NDRG1: variants seen among roughly 807,000 people sequenced by gnomAD.
NDRG1 encodes the protein protein NDRG1.
A neutral mutation model predicts 56.9 loss-of-function variants in NDRG1; 32 were observed. The ratio of observed to expected loss-of-function variants is 0.56; its 90% CI spans 0.42 to 0.76. The LOEUF is 0.76. Among genes scored for constraint, NDRG1 ranks in the 30% least tolerant of loss-of-function variants. The pLI is 0.00. For synonymous variants in NDRG1, 211 were observed against 204.1 expected (o/e 1.03, Z -0.29); for missense variants, 507 against 545.7 (o/e 0.93, Z 0.71).
intron 3 of NDRG1, among the ~76,000 whole-genome samples, chr8:133,272,398 T>C (rs1342285336): frequency 6.6e-6 from 1 of 152,126 alleles, no homozygotes; most frequent in Admixed American, 6.5e-5. Flanking sequence ...GTGTTTGCAA[T>C]GTGCTCAGGG....
intron 3 of NDRG1, among the ~76,000 whole-genome samples, chr8:133,267,772 C>T (rs966639652): frequency 2.6e-5 from 4 of 152,218 alleles, no homozygotes; most frequent in Non-Finnish European, 5.9e-5. Flanking sequence ...CACTCCCCAA[C>T]CTCCGAGCCT....
At position 133,262,163 on chromosome 8, in the gene NDRG1, T is replaced by C; in HGVS notation, c.210A>G (p.Lys70=). ...LTYHDIGMNH[K]TCYNPLFNYE... ...AGTTGAAGAGGGGGTTGTAGCAGGT[T>C]TTGTCTGAAGAACAGCAGTGAGGGA... The change falls in exon 5 of 16, where the codon AAA becomes AAG. Residue 70 remains lysine, a synonymous_variant. Coordinates refer to ENST00000323851, the MANE Select transcript of NDRG1 (RefSeq NM_006096.4). The C allele has an allele frequency of 6.2e-7, 1 of 1,613,464 alleles. No homozygotes were observed. The highest frequency in any genetic ancestry group is 8.5e-7 in the Non-Finnish European group (1 of 1,179,956).
Position 133,250,472 on chromosome 8 carries a change from G to T in NDRG1, c.666C>A (p.Gly222=), listed in dbSNP as rs1432095364. Residue 222 remains glycine (G), a synonymous_variant, in exon 10 of 16, where the codon GGC becomes GGA. Transcript: ENST00000323851. ...RQHIVNDMNP[G]NLHLFINAYN... ...AGGCATTGATGAACAGGTGCAGGTTGCCGGGGTTCATGTCATTCACAATGT... is the reference window on the plus strand; with the variant it reads ...AGGCATTGATGAACAGGTGCAGGTTTCCGGGGTTCATGTCATTCACAATGT... 5 of 1,614,020 alleles carry T rather than the reference G, an allele frequency of 3.1e-6. No homozygotes were observed. In the South Asian group the frequency reaches 3.3e-5, roughly 11 times the overall value.
chr8:133,264,879 C>T lies in NDRG1; in HGVS notation c.100-227G>A, dbSNP rs938352361. The T allele has an allele frequency of 8.9e-5, 52 of 583,894 alleles. 2 individuals carry two copies. Among genetic ancestry groups the T allele is most frequent in the South Asian group, 6.5e-4 (34 of 52,324 alleles). 36.2% of individuals were successfully genotyped at this position (583,894 alleles called of 1,614,324 possible). On this transcript the variant is annotated intron_variant, in intron 3 of 15. Coordinates refer to ENST00000323851, the MANE Select transcript of NDRG1 (RefSeq NM_006096.4). ...GGGGACAGAGGCCTGGCTCAGACTG[C>T]GCTGTTAAATGCACCAAATGCTGGG... is the stretch of plus-strand genomic sequence containing the variant.
At chr8:133,284,478 G>T (rs1169436418) in intron 1 of NDRG1, 149 bp from the exon 2 acceptor site, 1 of 709,402 alleles carries the variant, frequency 1.4e-6, no homozygotes, top group East Asian at 2.7e-5. Flanking sequence ...GGATGAGGAG[G>T]TCCCTTGTAC....
rs1491505741 is a variant in NDRG1 at position 133,243,929 on chromosome 8, CAT to C, written c.891+424_891+425del. 2.0e-4 allele frequency among the ~76,000 whole-genome samples: 31 copies of C among 151,838 alleles called. No individual in the cohort carries two copies. In the East Asian group the frequency reaches 4.3e-3, roughly 21 times the overall value. ...ACACACATTTACACATGCACACAGA[CAT>C]GTGTACACATGCACACACACAGACG... On this transcript the variant is annotated intron_variant, in intron 14 of 15. Transcript: ENST00000323851.
At chr8:133,247,380 T>A (rs1855744816) in intron 12 of NDRG1, among the ~76,000 whole-genome samples, 1 of 152,204 alleles carries the variant, frequency 6.6e-6, no homozygotes, top group Non-Finnish European at 1.5e-5. Context: ...CCCTAAGTCT[T>A]CCATCTCCCC....
intron 2 of NDRG1, among the ~76,000 whole-genome samples, chr8:133,282,526 G>A (rs1857865952): frequency 6.6e-6 from 1 of 152,224 alleles, no homozygotes; most frequent in East Asian, 1.9e-4. Context: ...GGAGAAATAA[G>A]AATATGGTGA....
chr8:133,256,724 ACCTGT>A, intron 8 of NDRG1, 48 bp downstream of exon 8: 1 of 1,556,484 alleles, frequency 6.4e-7, no homozygotes, highest in Non-Finnish European at 8.8e-7. Context: ...GGCTGTGTGC[ACCTGT>A]CCCTCTTCTT....
intron 6 of NDRG1, 122 bp downstream of exon 6, chr8:133,259,046 G>T: frequency 1.0e-6 from 1 of 964,668 alleles, no homozygotes; most frequent in Non-Finnish European, 1.7e-6. Context: ...CTAATTTCTT[G>T]CCTCATCTCT....
intron 9 of NDRG1, among the ~76,000 whole-genome samples, chr8:133,252,231 G>C (rs912142430): frequency 6.6e-6 from 1 of 152,150 alleles, no homozygotes; most frequent in African/African-American, 2.4e-5. Context: ...GAGTAGCTGG[G>C]ATTACAGGCG....
At chr8:133,260,327 G>A (rs985849768) in intron 5 of NDRG1, among the ~76,000 whole-genome samples, 1 of 152,126 alleles carries the variant, frequency 6.6e-6, no homozygotes, top group Admixed American at 6.5e-5. Flanking sequence ...CCCTTAAAGG[G>A]CCTGGGAGAT....
chr8:133,263,105 C>T lies in NDRG1; in HGVS notation c.206-938G>A, dbSNP rs1054124834. Among the ~76,000 whole-genome samples the T allele has an allele frequency of 6.6e-5, 10 of 152,166 alleles. No individual in the cohort carries two copies. In the East Asian group the frequency reaches 9.6e-4, roughly 15 times the overall value. ...ATGAGCCTCTCCGAATGGGGAGAGACGCTGCCATATGCAATTCCAGTTCCT... is the reference window on the plus strand; with the variant it reads ...ATGAGCCTCTCCGAATGGGGAGAGATGCTGCCATATGCAATTCCAGTTCCT... On this transcript the variant is annotated intron_variant, in intron 4 of 15. Transcript: ENST00000323851.
At chr8:133,288,778 G>A (rs184473592) in intron 1 of NDRG1, among the ~76,000 whole-genome samples, 39 of 152,298 alleles carry the variant, frequency 2.6e-4, no homozygotes, top group African/African-American at 8.2e-4. Flanking sequence ...CTGACAAACC[G>A]TGTCTCCATC....
At chr8:133,243,483 T>C (rs1855495538) in intron 14 of NDRG1, among the ~76,000 whole-genome samples, 1 of 152,150 alleles carries the variant, frequency 6.6e-6, no homozygotes, top group Non-Finnish European at 1.5e-5. Context: ...CCTAATTTAA[T>C]CAAGGATGGG....
At chr8:133,276,975 A>G (rs992799532) in intron 3 of NDRG1, among the ~76,000 whole-genome samples, 7 of 152,244 alleles carry the variant, frequency 4.6e-5, no homozygotes, top group African/African-American at 1.7e-4. Flanking sequence ...TGGGGCATAC[A>G]TACAACAGAA....
intron 14 of NDRG1, 113 bp from the exon 15 acceptor site, chr8:133,242,187 A>G: frequency 9.3e-7 from 1 of 1,073,438 alleles, no homozygotes. Flanking sequence ...CTCAAGACAA[A>G]AGCCATCACG....
At chr8:133,248,040 C>A in intron 11 of NDRG1, 114 bp from the exon 12 acceptor site, 1 of 996,802 alleles carries the variant, frequency 1.0e-6, no homozygotes, top group East Asian at 2.4e-5. Context: ...TTTGGTTTCC[C>A]CAACACCCTT....
intron 5 of NDRG1, among the ~76,000 whole-genome samples, chr8:133,259,734 C>T (rs560843514): frequency 1.1e-4 from 17 of 152,252 alleles, no homozygotes; most frequent in Admixed American, 7.8e-4. Context: ...TCACACATGC[C>T]GGGCTCTTGG....
Sources: gnomAD v4.1 joint callset for allele counts (sites outside exome capture counted in the v4.1 genomes callset) on GRCh38, gnomAD v4.1.1 for gene constraint, MANE v1.5 for transcripts, NCBI Gene and HGNC (gene_info 2026-07-23, HGNC 2026-07-21) for gene names.